The following TRAPPC10 variants were observed in gnomAD, a reference collection of about 807,000 sequenced individuals.
TRAPPC10 encodes trafficking protein particle complex subunit 10, also known as TRAPP 130 kDa subunit.
In TRAPPC10, 23 loss-of-function variants were observed where a neutral mutation model predicts 125.5. The ratio of observed to expected loss-of-function variants is 0.18; its 90% CI spans 0.13 to 0.26. The LOEUF (loss-of-function observed/expected upper bound fraction) is 0.26. Among genes scored for constraint, TRAPPC10 ranks in the 10% least tolerant of loss-of-function variants. The probability of loss-of-function intolerance (pLI) is 1.00; values close to 1 mark genes in which losing one functional copy is unlikely to be tolerated. For synonymous variants in TRAPPC10, 509 were observed against 518.0 expected, an observed-to-expected ratio of 0.98 and a Z score of 0.24; for missense variants, 1,123 against 1,308.4, an observed-to-expected ratio of 0.86 and a Z score of 2.19.
At position 44,037,866 on chromosome 21, in the gene TRAPPC10, A is replaced by G; in HGVS notation, c.224A>G (p.Lys75Arg). ...CAATTCAAAGAGGAGCTGCTGCCCA[A>G]AGAAGGAAACAAAGCTCTGCTCACG... ...FVQFKEELLP[K>R]EGNKALLTFP... The change falls in exon 3 of 23, where the codon AAA becomes AGA. Residue 75 changes from lysine (K) to arginine (R), a missense_variant. This residue lies in a region of TRAPPC10 where 177 missense variants were observed against 228.9 expected (regional missense o/e 0.77). Transcript: ENST00000291574. 1 of 1,614,192 alleles carries G rather than the reference A, an allele frequency of 6.2e-7. No homozygotes were observed. Among genetic ancestry groups the G allele is most frequent in the African/African-American group, 1.3e-5 (1 of 75,060 alleles).
intron 4 of TRAPPC10, among the ~76,000 whole-genome samples, chr21:44,053,736 C>T (rs536328827): frequency 2.6e-5 from 4 of 152,268 alleles, no homozygotes; most frequent in Admixed American, 2.0e-4. Flanking sequence ...AGGCTGCAGC[C>T]GGGAGCCCCT....
chr21:44,078,780 T>C (rs1453994120), intron 11 of TRAPPC10, among the ~76,000 whole-genome samples: 2 of 152,184 alleles, frequency 1.3e-5, no homozygotes, highest in Admixed American at 6.5e-5. Flanking sequence ...CAAGCCCTTA[T>C]TAATTTGCAT....
chr21:44,061,542 C>T (rs902850949), intron 6 of TRAPPC10, among the ~76,000 whole-genome samples: 1 of 152,214 alleles, frequency 6.6e-6, no homozygotes, highest in African/African-American at 2.4e-5. Flanking sequence ...GCTGGGATTA[C>T]AGGCGTGAGC....
intron 2 of TRAPPC10, among the ~76,000 whole-genome samples, chr21:44,034,216 C>T (rs777834577): frequency 5.7e-4 from 86 of 152,128 alleles, no homozygotes; most frequent in Non-Finnish European, 1.5e-4. Context: ...TTGGAAGGCC[C>T]GGGTGAAAGC....
intron 1 of TRAPPC10, among the ~76,000 whole-genome samples, chr21:44,017,579 CAAG>C (rs1489881616): frequency 6.6e-6 from 1 of 151,792 alleles, no homozygotes; most frequent in Non-Finnish European, 1.5e-5. Flanking sequence ...TATGTCCTAA[CAAG>C]AGCTGTTTGA....
chr21:44,084,614 G>A (rs2037999955), intron 15 of TRAPPC10, among the ~76,000 whole-genome samples: 1 of 152,188 alleles, frequency 6.6e-6, no homozygotes, highest in Admixed American at 6.5e-5. Flanking sequence ...AATGTGCAGG[G>A]ATTTCCCCCT....
chr21:44,016,880 G>C (rs1030341929), intron 1 of TRAPPC10, among the ~76,000 whole-genome samples: 2 of 152,052 alleles, frequency 1.3e-5, no homozygotes, highest in Admixed American at 6.5e-5. Flanking sequence ...GGATGGTCTT[G>C]ATCTGACCTT....
chr21:44,053,334 A>G (rs888798669), intron 4 of TRAPPC10, among the ~76,000 whole-genome samples: 7 of 152,220 alleles, frequency 4.6e-5, no homozygotes, highest in Non-Finnish European at 8.8e-5. Flanking sequence ...TTAAGTTAAT[A>G]TAACGTTATG....
chr21:44,046,864 C>T (rs982006514), intron 3 of TRAPPC10: 2 of 756,562 alleles, frequency 2.6e-6, no homozygotes, highest in Non-Finnish European at 4.7e-6. Flanking sequence ...CAGCGAGGTA[C>T]TCCAGGATGG....
At chr21:44,060,644 A>G (rs962575637) in intron 6 of TRAPPC10, among the ~76,000 whole-genome samples, 1 of 151,894 alleles carries the variant, frequency 6.6e-6, no homozygotes, top group Non-Finnish European at 1.5e-5. Flanking sequence ...TCTGTCCCCC[A>G]GGCTGGAGGG....
chr21:44,020,530 G>T (rs2032397790), intron 1 of TRAPPC10, among the ~76,000 whole-genome samples: 1 of 151,920 alleles, frequency 6.6e-6, no homozygotes, highest in Admixed American at 6.6e-5. Flanking sequence ...TAGCTACTTG[G>T]GAGACAGGCC....
chr21:44,013,060 C>A (rs2031349628), intron 1 of TRAPPC10, among the ~76,000 whole-genome samples: 1 of 152,190 alleles, frequency 6.6e-6, no homozygotes, highest in South Asian at 2.1e-4. Context: ...GGCAGAGCCG[C>A]CGGGACTGCT....
At chr21:44,055,658 T>C in intron 4 of TRAPPC10, 40 bp from the exon 5 acceptor site, 2 of 1,522,568 alleles carry the variant, frequency 1.3e-6, no homozygotes, top group Non-Finnish European at 9.0e-7. Context: ...GTGCTGTGCA[T>C]GGAGGGTCTT....
intron 7 of TRAPPC10, among the ~76,000 whole-genome samples, chr21:44,065,198 GT>G (rs2036351127): frequency 6.6e-6 from 1 of 152,198 alleles, no homozygotes; most frequent in Non-Finnish European, 1.5e-5. Context: ...TGTTAGTTTT[GT>G]TATTACCTTG....
intron 6 of TRAPPC10, among the ~76,000 whole-genome samples, chr21:44,061,457 T>G (rs961415417): frequency 6.6e-6 from 1 of 150,914 alleles, no homozygotes; most frequent in Admixed American, 6.6e-5. Flanking sequence ...TTAGTAGAGT[T>G]GGGGTTTCAC....
At position 44,037,915 on chromosome 21, in the gene TRAPPC10, G is replaced by T. The variant is rs1334558425; in HGVS notation, c.273G>T (p.Trp91Cys). 1 of 1,613,600 alleles carries T rather than the reference G, an allele frequency of 6.2e-7. No homozygotes were observed. ...LLTFPFLHIY[W>C]TECCDTEVYK... is the part of the protein sequence containing the mutation. Reference sequence around the variant, plus strand: ...CGTTTCCCTTCCTCCATATTTACTGGACAGAGTGCTGTGTGAGTACCAGCA... The same window carrying T: ...CGTTTCCCTTCCTCCATATTTACTGTACAGAGTGCTGTGTGAGTACCAGCA... The change falls in exon 3 of 23, where the codon TGG becomes TGT. Residue 91 changes from tryptophan to cysteine, a missense_variant. Transcript: ENST00000291574.
intron 1 of TRAPPC10, among the ~76,000 whole-genome samples, chr21:44,015,463 G>T (rs780596458): frequency 6.6e-6 from 1 of 151,920 alleles, no homozygotes; most frequent in Non-Finnish European, 1.5e-5. Flanking sequence ...TGTCACCTAG[G>T]CTAGAGTGCA....
intron 15 of TRAPPC10, 124 bp downstream of exon 15, chr21:44,084,387 A>G (rs527692762): frequency 2.0e-6 from 2 of 979,786 alleles, no homozygotes; most frequent in East Asian, 6.0e-5. Context: ...TTTGGGTAAC[A>G]TAATGGAAAT....
intron 3 of TRAPPC10, among the ~76,000 whole-genome samples, chr21:44,045,938 G>C (rs1347318766): frequency 6.7e-6 from 1 of 149,064 alleles, no homozygotes; most frequent in South Asian, 2.1e-4. Flanking sequence ...TCTTGTACTT[G>C]GGGTTTGGGG....
Sources: gnomAD v4.1 joint callset for allele counts (sites outside exome capture counted in the v4.1 genomes callset) on GRCh38, gnomAD v4.1.1 for gene constraint, gnomAD v4.1.1 regional missense constraint, MANE v1.5 for transcripts, NCBI Gene and HGNC (gene_info 2026-07-23, HGNC 2026-07-21) for gene names.